The following GPC6 variants were observed in gnomAD, a reference collection of about 807,000 sequenced individuals.
GPC6 encodes glypican-6.
GPC6 carries 14 observed loss-of-function variants against 55.2 expected under a neutral mutation model. The ratio of observed to expected loss-of-function variants is 0.25; its 90% CI spans 0.17 to 0.40. The LOEUF (loss-of-function observed/expected upper bound fraction) is 0.40, where lower values mean the gene tolerates loss of function less well. GPC6 is among the 10% of genes least tolerant of loss of function. GPC6 has a pLI of 1.00. For synonymous variants in GPC6, 278 were observed against 259.6 expected (o/e 1.07, Z -0.68); for missense variants, 641 against 708.5 (o/e 0.90, Z 1.08).
chr13:93,903,517 AT>A (rs928154404), intron 3 of GPC6, among the ~76,000 whole-genome samples: 5 of 152,058 alleles, frequency 3.3e-5, no homozygotes, highest in South Asian at 2.1e-4. Context: ...TGTGTTTTGC[AT>A]TTTTTTTCCA....
At chr13:94,218,686 CA>C (rs1890292960) in intron 4 of GPC6, among the ~76,000 whole-genome samples, 2 of 152,156 alleles carry the variant, frequency 1.3e-5, no homozygotes, top group African/African-American at 4.8e-5. Flanking sequence ...ATAAGTTCTA[CA>C]TCTAGAAGCT....
At chr13:94,373,069 A>C (rs1879659489) in intron 6 of GPC6, among the ~76,000 whole-genome samples, 2 of 152,226 alleles carry the variant, frequency 1.3e-5, no homozygotes, top group Non-Finnish European at 2.9e-5. Flanking sequence ...TCTGTACATC[A>C]CCATCATCAA....
At chr13:94,125,492 G>GA (rs35103327) in intron 4 of GPC6, among the ~76,000 whole-genome samples, 8 of 151,986 alleles carry the variant, frequency 5.3e-5, no homozygotes, top group Non-Finnish European at 8.8e-5. Context: ...TGCTTTTAGG[G>GA]AAAAAGGCTT....
chr13:94,193,109 A>G (rs1011901751), intron 4 of GPC6, among the ~76,000 whole-genome samples: 1 of 151,446 alleles, frequency 6.6e-6, no homozygotes, highest in East Asian at 1.9e-4. Context: ...ATTTCCACAT[A>G]TATCTATTTT....
intron 1 of GPC6, among the ~76,000 whole-genome samples, chr13:93,410,202 T>C (rs1876443389): frequency 6.6e-6 from 1 of 152,224 alleles, no homozygotes. Context: ...AGGAATCTTT[T>C]AATTCCTAAA....
chr13:93,521,047 C>T (rs534510387), intron 1 of GPC6, among the ~76,000 whole-genome samples: 4 of 151,874 alleles, frequency 2.6e-5, no homozygotes, highest in African/African-American at 7.2e-5. Context: ...GAAATGTACA[C>T]GTATATGTTA....
At chr13:93,708,554 G>T (rs1882935713) in intron 2 of GPC6, among the ~76,000 whole-genome samples, 2 of 151,778 alleles carry the variant, frequency 1.3e-5, no homozygotes, top group African/African-American at 4.8e-5. Context: ...ACTGAAGATT[G>T]TGTTGTTTTT....
chr13:93,980,255 G>A (rs1204330030), intron 3 of GPC6, among the ~76,000 whole-genome samples: 3 of 152,094 alleles, frequency 2.0e-5, no homozygotes, highest in African/African-American at 7.2e-5. Flanking sequence ...ATGGCTCAGT[G>A]CATATGGAAA....
intron 2 of GPC6, among the ~76,000 whole-genome samples, chr13:93,630,218 G>T (rs1387353634): frequency 6.6e-6 from 1 of 152,134 alleles, no homozygotes; most frequent in African/African-American, 2.4e-5. Flanking sequence ...TATCTTCTCA[G>T]TTCAATAATT....
intron 2 of GPC6, among the ~76,000 whole-genome samples, chr13:93,790,894 G>T (rs1432850201): frequency 6.6e-6 from 1 of 152,188 alleles, no homozygotes; most frequent in South Asian, 2.1e-4. Flanking sequence ...CACATGGACA[G>T]CGAAGGGCAG....
chr13:93,599,784 G>A (rs1006905329), intron 2 of GPC6, among the ~76,000 whole-genome samples: 48 of 152,292 alleles, frequency 3.2e-4, no homozygotes, highest in African/African-American at 1.2e-3. Flanking sequence ...AGCGTAGTTA[G>A]CAGCTTTTTC....
At chr13:93,418,904 C>T (rs1203696036) in intron 1 of GPC6, among the ~76,000 whole-genome samples, 3 of 148,226 alleles carry the variant, frequency 2.0e-5, no homozygotes, top group Non-Finnish European at 3.0e-5. Context: ...GGCACGATAC[C>T]ATAGTATTAT....
At chr13:94,393,997 T>C (rs1372595834) in intron 7 of GPC6, among the ~76,000 whole-genome samples, 2 of 152,166 alleles carry the variant, frequency 1.3e-5, no homozygotes, top group African/African-American at 4.8e-5. Context: ...TCCTGTTTAA[T>C]ATCTCTCAGA....
chr13:94,017,728 G>A (rs1882524125), intron 3 of GPC6, among the ~76,000 whole-genome samples: 1 of 151,868 alleles, frequency 6.6e-6, no homozygotes, highest in East Asian at 1.9e-4. Flanking sequence ...ACCCAGGCTG[G>A]AGTGCAGTGG....
intron 4 of GPC6, among the ~76,000 whole-genome samples, chr13:94,246,325 G>T (rs745858343): frequency 1.3e-5 from 2 of 151,934 alleles, no homozygotes; most frequent in Non-Finnish European, 2.9e-5. Context: ...TTTTCATTTT[G>T]ATTGTTTTCT....
chr13:93,707,408 A>T (rs188415209), intron 2 of GPC6, among the ~76,000 whole-genome samples: 208 of 151,886 alleles, frequency 1.4e-3, no homozygotes, highest in African/African-American at 4.9e-3. Context: ...TACAGCTTTG[A>T]GTGTTATGGA....
chr13:93,232,440 T>C (rs7491180), intron 1 of GPC6, among the ~76,000 whole-genome samples: 86,527 of 151,960 alleles, frequency 0.57, 25,253 homozygotes, highest in African/African-American at 0.67. Context: ...ATTAGAAGCG[T>C]CACTTGTTAA....
At chr13:93,525,158 A>G (rs1479290362) in intron 1 of GPC6, among the ~76,000 whole-genome samples, 1 of 152,066 alleles carries the variant, frequency 6.6e-6, no homozygotes, top group Non-Finnish European at 1.5e-5. Context: ...AATCATGAAA[A>G]GCAAAATTAA....
At chr13:93,287,357 A>G (rs1172236126) in intron 1 of GPC6, among the ~76,000 whole-genome samples, 1 of 152,204 alleles carries the variant, frequency 6.6e-6, no homozygotes, top group Admixed American at 6.5e-5. Context: ...AGGCAGGGAC[A>G]TTGGCCACCA....
Sources: gnomAD v4.1 joint callset for allele counts (sites outside exome capture counted in the v4.1 genomes callset) on GRCh38, gnomAD v4.1.1 for gene constraint, MANE v1.5 for transcripts, NCBI Gene and HGNC (gene_info 2026-07-23, HGNC 2026-07-21) for gene names.